DAB1: variants seen among roughly 807,000 people sequenced by gnomAD.
DAB1 encodes disabled homolog 1.
In DAB1, 15 loss-of-function variants were observed where a neutral mutation model predicts 64.6. That is an observed-to-expected ratio of 0.23 (90% CI 0.16 to 0.36). The LOEUF is 0.36. DAB1 is among the 10% of genes least tolerant of loss of function. The pLI is 1.00. For missense variants in DAB1, 596 were observed against 706.7 expected, an observed-to-expected ratio of 0.84 and a Z score of 1.78; for synonymous variants, 235 against 251.9, an observed-to-expected ratio of 0.93 and a Z score of 0.64.
At chr1:58,018,444 T>A (rs1188002) in intron 5 of DAB1, among the ~76,000 whole-genome samples, 2 of 152,010 alleles carry the variant, frequency 1.3e-5, no homozygotes, top group African/African-American at 4.8e-5. Flanking sequence ...TGGCTCCCTC[T>A]CCATGCTGTA....
At chr1:57,013,798 T>C (rs1342603608) in intron 12 of DAB1, among the ~76,000 whole-genome samples, 2 of 152,202 alleles carry the variant, frequency 1.3e-5, no homozygotes, top group African/African-American at 4.8e-5. Context: ...AGTGTACATG[T>C]GCTCAAGTGT....
At chr1:57,179,584 C>T (rs72917109) in intron 2 of DAB1, among the ~76,000 whole-genome samples, 11,424 of 152,152 alleles carry the variant, frequency 0.075, 1,195 homozygotes, top group African/African-American at 0.23. Context: ...CCTTTAGCTG[C>T]ATTTATTGAA....
chr1:58,391,574 G>C (rs1644476247), intron 3 of DAB1, among the ~76,000 whole-genome samples: 2 of 152,180 alleles, frequency 1.3e-5, no homozygotes, highest in South Asian at 4.1e-4. Flanking sequence ...CTTTTCAACA[G>C]AGGATACTCT....
At chr1:57,282,181 T>TAA (rs1671951753) in intron 2 of DAB1, among the ~76,000 whole-genome samples, 1 of 35,866 alleles carries the variant, frequency 2.8e-5, no homozygotes, top group Non-Finnish European at 5.2e-5. Context: ...AGCCTTCTTC[T>TAA]CAAAAAAAAA....
At chr1:57,287,967 T>C (rs1219405051) in intron 2 of DAB1, among the ~76,000 whole-genome samples, 4 of 151,982 alleles carry the variant, frequency 2.6e-5, no homozygotes, top group African/African-American at 7.3e-5. Context: ...GACTAATTTT[T>C]GTATTTTTAG....
At chr1:57,777,870 T>C (rs1216323891) in intron 6 of DAB1, among the ~76,000 whole-genome samples, 2 of 152,154 alleles carry the variant, frequency 1.3e-5, no homozygotes, top group Non-Finnish European at 2.9e-5. Flanking sequence ...ATTTAGTTAC[T>C]GAATTCTAGA....
At position 57,093,786 on chromosome 1, in the gene DAB1, G is replaced by C. The variant is rs899417785; in HGVS notation, c.307-21372C>G. On this transcript the variant is annotated intron_variant, in intron 4 of 14. Coordinates refer to ENST00000371236, the MANE Select transcript of DAB1 (RefSeq NM_001365792.1). ...TGACCTCTGTACGTATCTAGAAGAG[G>C]GCCTAGTAAGTCAGATGAGCTCAAG... Among the ~76,000 whole-genome samples, 3 of 151,968 alleles carry C rather than the reference G, an allele frequency of 2.0e-5. No individual in the cohort carries two copies. In the South Asian group the frequency reaches 6.2e-4, roughly 31 times the overall value.
At chr1:57,101,181 A>G (rs550218117) in intron 4 of DAB1, among the ~76,000 whole-genome samples, 1 of 152,332 alleles carries the variant, frequency 6.6e-6, no homozygotes, top group South Asian at 2.1e-4. Flanking sequence ...CTGCCAAATC[A>G]GACCCAAACA....
chr1:57,591,547 T>C (rs965468271), intron 7 of DAB1, among the ~76,000 whole-genome samples: 5 of 152,148 alleles, frequency 3.3e-5, no homozygotes, highest in African/African-American at 1.2e-4. Flanking sequence ...CTGAGGCAAA[T>C]GGATCTCGGT....
intron 1 of DAB1, among the ~76,000 whole-genome samples, chr1:57,324,378 C>G (rs1241602240): frequency 6.6e-6 from 1 of 152,130 alleles, no homozygotes; most frequent in Non-Finnish European, 1.5e-5. Context: ...ACAAAGAGGA[C>G]ATGAATTATT....
At chr1:57,326,017 T>A (rs2100779881) in intron 1 of DAB1, among the ~76,000 whole-genome samples, 2 of 152,284 alleles carry the variant, frequency 1.3e-5, no homozygotes, top group South Asian at 2.1e-4. Flanking sequence ...ATTTCATTTA[T>A]CCAACAAGCA....
chr1:57,414,274 A>G (rs1029497031), intron 1 of DAB1, among the ~76,000 whole-genome samples: 2 of 152,238 alleles, frequency 1.3e-5, no homozygotes, highest in South Asian at 4.1e-4. Flanking sequence ...GTCTTATTTT[A>G]AGAAACTGAC....
intron 5 of DAB1, among the ~76,000 whole-genome samples, chr1:58,117,582 G>T (rs886123250): frequency 6.6e-6 from 1 of 152,154 alleles, no homozygotes; most frequent in African/African-American, 2.4e-5. Context: ...CAAACCAGCA[G>T]CTTTGATTCC....
At chr1:58,414,341 A>T (rs1053010733) in intron 3 of DAB1, among the ~76,000 whole-genome samples, 1 of 152,094 alleles carries the variant, frequency 6.6e-6, no homozygotes, top group African/African-American at 2.4e-5. Context: ...CTGACTCCAA[A>T]ACTGATGTTA....
chr1:57,664,605 C>T (rs1290066633), intron 6 of DAB1, among the ~76,000 whole-genome samples: 2 of 152,064 alleles, frequency 1.3e-5, no homozygotes, highest in Non-Finnish European at 2.9e-5. Context: ...TTTTAGGGAA[C>T]TTCATCCTAA....
At chr1:57,521,710 T>C (rs1000386876) in intron 7 of DAB1, among the ~76,000 whole-genome samples, 4 of 150,806 alleles carry the variant, frequency 2.7e-5, no homozygotes, top group Non-Finnish European at 4.4e-5. Flanking sequence ...GAGGAGAGAG[T>C]GGCTGATAGA....
chr1:57,301,505 C>T (rs578199243), intron 1 of DAB1, among the ~76,000 whole-genome samples: 37 of 152,254 alleles, frequency 2.4e-4, no homozygotes, highest in Non-Finnish European at 3.5e-4. Context: ...TTGAGTAACA[C>T]GAACTATTGC....
intron 3 of DAB1, among the ~76,000 whole-genome samples, chr1:58,482,548 G>A (rs1040430581): frequency 2.0e-5 from 3 of 151,840 alleles, no homozygotes; most frequent in African/African-American, 4.9e-5. Context: ...AGTTTTTTAC[G>A]ACTTCTGGCT....
At chr1:57,189,734 G>C (rs1184472060) in intron 2 of DAB1, among the ~76,000 whole-genome samples, 1 of 151,934 alleles carries the variant, frequency 6.6e-6, no homozygotes, top group Non-Finnish European at 1.5e-5. Flanking sequence ...GCCTTCCAAG[G>C]AGGTAAACAG....
Sources: gnomAD v4.1 joint callset for allele counts (sites outside exome capture counted in the v4.1 genomes callset) on GRCh38, gnomAD v4.1.1 for gene constraint, MANE v1.5 for transcripts, NCBI Gene and HGNC (gene_info 2026-07-23, HGNC 2026-07-21) for gene names.